TET1: variants seen among roughly 807,000 people sequenced by gnomAD.
TET1 encodes tet methylcytosine dioxygenase 1, also known as methylcytosine dioxygenase TET1.
In TET1, 13 loss-of-function variants were observed where a neutral mutation model predicts 148.7. The observed-to-expected ratio is 0.09, with a 90% CI of 0.06 to 0.14. TET1 has a LOEUF of 0.14. TET1 is among the 10% of genes least tolerant of loss of function. TET1 has a pLI of 1.00. For missense variants in TET1, 2,182 were observed against 2,553.8 expected, an observed-to-expected ratio of 0.85 and a Z score of 3.14; for synonymous variants, 907 against 937.2, an observed-to-expected ratio of 0.97 and a Z score of 0.59.
At position 68,646,351 on chromosome 10, in the gene TET1, A is replaced by G. The variant is rs746949364; in HGVS notation, c.3622A>G (p.Thr1208Ala). The stretch of plus-strand genomic sequence containing the variant: ...GCAATTTTGTCCACATGATTTTCCT[A>G]CTGTATTTGGGAAAATTTCTTCCTC... ...FGQFCPHDFP[T>A]VFGKISSSTK... The change falls in exon 4 of 12, where the codon ACT becomes GCT. Residue 1208 changes from threonine to alanine, a missense_variant. Thr to Ala is a moderately conservative substitution (Grantham distance 58). This residue lies in a region of TET1 where 582 missense variants were observed against 599.5 expected (regional missense o/e 0.97). Transcript: ENST00000373644. 3 of 1,614,166 alleles carry G rather than the reference A, an allele frequency of 1.9e-6. No homozygotes were observed. Among genetic ancestry groups the G allele is most frequent in the South Asian group, 2.2e-5 (2 of 91,080 alleles).
intron 1 of TET1, among the ~76,000 whole-genome samples, chr10:68,560,946 G>A (rs1225709184): frequency 1.3e-5 from 2 of 152,306 alleles, no homozygotes; most frequent in East Asian, 3.9e-4. Flanking sequence ...TTTTGTTGCC[G>A]GAGATAAACA....
At position 68,564,417 on chromosome 10, in the gene TET1, G is replaced by A. The variant is rs1242338600; in HGVS notation, c.-123+3675G>A. Among the ~76,000 whole-genome samples the A allele has an allele frequency of 2.6e-5, 4 of 152,066 alleles. No homozygotes were observed. In the East Asian group the frequency reaches 7.7e-4, roughly 29 times the overall value. On this transcript the variant is annotated intron_variant, in intron 1 of 11. Coordinates refer to ENST00000373644, the MANE Select transcript of TET1 (RefSeq NM_030625.3). ...ACCTGCCTCAGCTTCCCAAAGTGCT[G>A]GGATTATAGGTGTGAGCCACCACGC...
At chr10:68,616,839 C>G (rs2054297441) in intron 3 of TET1, among the ~76,000 whole-genome samples, 1 of 150,032 alleles carries the variant, frequency 6.7e-6, no homozygotes, top group Admixed American at 6.7e-5. Context: ...TCCCGAGCAG[C>G]TGGGGCTACA....
intron 3 of TET1, among the ~76,000 whole-genome samples, chr10:68,633,242 T>G (rs1004687530): frequency 6.6e-6 from 1 of 152,182 alleles, no homozygotes; most frequent in African/African-American, 2.4e-5. Flanking sequence ...ATATTGAGCC[T>G]TTACAGTATG....
chr10:68,599,967 C>G (rs1397332052), intron 2 of TET1, among the ~76,000 whole-genome samples: 1 of 152,102 alleles, frequency 6.6e-6, no homozygotes, highest in Non-Finnish European at 1.5e-5. Context: ...AGTGGCTTTA[C>G]TGTTATTTTT....
At chr10:68,619,385 A>G (rs900011668) in intron 3 of TET1, among the ~76,000 whole-genome samples, 2 of 151,996 alleles carry the variant, frequency 1.3e-5, no homozygotes, top group African/African-American at 4.8e-5. Flanking sequence ...GCTCACCACC[A>G]CACCTGGCTT....
At chr10:68,639,420 T>C (rs927955397) in intron 3 of TET1, among the ~76,000 whole-genome samples, 4 of 149,070 alleles carry the variant, frequency 2.7e-5, no homozygotes, top group African/African-American at 9.8e-5. Context: ...AGACTCCGTC[T>C]CAAAGATTAC....
chr10:68,641,726 C>A (rs1385415486), intron 3 of TET1, among the ~76,000 whole-genome samples: 2 of 152,036 alleles, frequency 1.3e-5, no homozygotes, highest in Admixed American at 6.6e-5. Context: ...TGGTCTCGAT[C>A]TCCTGACCTC....
intron 1 of TET1, among the ~76,000 whole-genome samples, chr10:68,570,581 T>G (rs754437065): frequency 7.2e-5 from 11 of 152,090 alleles, no homozygotes; most frequent in Non-Finnish European, 1.3e-4. Context: ...TCTGTGTTGA[T>G]TATATTTTTC....
At chr10:68,595,987 C>CAT (rs1564958983) in intron 2 of TET1, among the ~76,000 whole-genome samples, 1 of 54,182 alleles carries the variant, frequency 1.8e-5, no homozygotes, top group African/African-American at 6.5e-5. Context: ...CATATATACA[C>CAT]ACACACACAC....
At chr10:68,592,166 A>C (rs1338214445) in intron 2 of TET1, among the ~76,000 whole-genome samples, 1 of 151,920 alleles carries the variant, frequency 6.6e-6, no homozygotes, top group Non-Finnish European at 1.5e-5. Flanking sequence ...ATTTACAAAA[A>C]TTAGCTGGGC....
chr10:68,676,164 T>TGTGTGTGTGTGTGG (rs1428020954), intron 8 of TET1, among the ~76,000 whole-genome samples: 1 of 138,990 alleles, frequency 7.2e-6, no homozygotes, highest in Non-Finnish European at 1.5e-5. Flanking sequence ...CTTTTGTGTG[T>TGTGTGTGTGTGTGG]GTGTGTGTGT....
intron 6 of TET1, among the ~76,000 whole-genome samples, chr10:68,657,112 A>G (rs2055034427): frequency 1.3e-5 from 2 of 151,542 alleles, no homozygotes; most frequent in African/African-American, 4.9e-5. Flanking sequence ...CTGAGGCGGG[A>G]GGACCACTGG....
At position 68,692,682 on chromosome 10, in the gene TET1, T is replaced by C; in HGVS notation, c.*868T>C. On this transcript the variant is annotated 3_prime_UTR_variant, in exon 12 of 12. Transcript: ENST00000373644. ...ATAATGAGAAGTTGTTAATTATCTC[T>C]AAAATTGGAATTAGGAAGCATATCA... 4.3e-6 allele frequency: 1 copy of C among 231,498 alleles called. No homozygotes were observed. The highest frequency in any genetic ancestry group is 2.2e-5 in the African/African-American group (1 of 45,410). The allele number at this position is 231,498 out of a possible 1,614,324, so 14.3% of individuals were successfully genotyped here.
At chr10:68,662,519 C>CT (rs11406942) in intron 6 of TET1, among the ~76,000 whole-genome samples, 26,954 of 151,634 alleles carry the variant, frequency 0.18, 2,933 homozygotes, top group African/African-American at 0.3. Flanking sequence ...TCTTCATAGC[C>CT]TTTTTTTAGG....
At chr10:68,651,267 G>A (rs1374330679) in intron 4 of TET1, among the ~76,000 whole-genome samples, 1 of 152,054 alleles carries the variant, frequency 6.6e-6, no homozygotes, top group Non-Finnish European at 1.5e-5. Flanking sequence ...GGCTAACATG[G>A]TGAAACCCCG....
At chr10:68,595,612 C>CTTTTTTTTTTTTTTTTTTTTTTTT (rs71470530) in intron 2 of TET1, among the ~76,000 whole-genome samples, 6 of 76,510 alleles carry the variant, frequency 7.8e-5, no homozygotes, top group South Asian at 5.4e-4. Flanking sequence ...CACACAGCTT[C>CTTTTTTTTTTTTTTTTTTTTTTTT]TTTTTTTTTT....
At chr10:68,629,090 C>T (rs969922635) in intron 3 of TET1, among the ~76,000 whole-genome samples, 5 of 152,060 alleles carry the variant, frequency 3.3e-5, no homozygotes, top group African/African-American at 1.2e-4. Context: ...GTATGCCGGG[C>T]GCGGTGGCTC....
At chr10:68,563,475 C>T (rs1002292882) in intron 1 of TET1, among the ~76,000 whole-genome samples, 1 of 152,242 alleles carries the variant, frequency 6.6e-6, no homozygotes, top group Non-Finnish European at 1.5e-5. Flanking sequence ...TGAAATCAGT[C>T]TCTTGCAACT....
Sources: gnomAD v4.1 joint callset for allele counts (sites outside exome capture counted in the v4.1 genomes callset) on GRCh38, gnomAD v4.1.1 for gene constraint, gnomAD v4.1.1 regional missense constraint, MANE v1.5 for transcripts, NCBI Gene and HGNC (gene_info 2026-07-23, HGNC 2026-07-21) for gene names.